DLGAP2: variants seen among roughly 807,000 people sequenced by gnomAD.
The protein encoded by DLGAP2 is DLG associated protein 2.
DLGAP2 carries 26 observed loss-of-function variants against 100.3 expected under a neutral mutation model. The observed-to-expected ratio is 0.26, with a 90% CI of 0.19 to 0.36. The LOEUF is 0.36. Among genes scored for constraint, DLGAP2 ranks in the 10% least tolerant of loss-of-function variants. DLGAP2 has a pLI of 1.00. For synonymous variants in DLGAP2, 886 were observed against 630.1 expected (o/e 1.41, Z -6.08); for missense variants, 1,858 against 1,453.2 (o/e 1.28, Z -4.53).
intron 2 of DLGAP2, among the ~76,000 whole-genome samples, chr8:1,144,966 C>T (rs145687503): frequency 0.031 from 4,730 of 151,866 alleles, 129 homozygotes; most frequent in East Asian, 0.15. Flanking sequence ...AGACCGCAGA[C>T]GGCCTGTATG....
In DLGAP2 at chr8:1,416,984, T is replaced by G. The variant is rs566654326; in HGVS notation, c.107-84382T>G. Among the ~76,000 whole-genome samples, 12 of 151,844 alleles carry G rather than the reference T, an allele frequency of 7.9e-5. No individual in the cohort carries two copies. The South Asian group carries it at 2.5e-3, about 32-fold the overall frequency. On this transcript the variant is annotated intron_variant, in intron 3 of 14. Transcript: ENST00000637795. ...CTCAGTGCGGCTGTGGCATTGAGAC[T>G]CAGAGTCCAGGGCTCAGGGGTCCCC...
chr8:1,640,724 A>G (rs1411437499), intron 8 of DLGAP2, among the ~76,000 whole-genome samples: 2 of 152,096 alleles, frequency 1.3e-5, no homozygotes, highest in East Asian at 3.9e-4. Flanking sequence ...CAGCACCAAG[A>G]CCGTCAAACG....
At chr8:1,102,636 G>A (rs1380742728) in intron 2 of DLGAP2, among the ~76,000 whole-genome samples, 4 of 152,172 alleles carry the variant, frequency 2.6e-5, no homozygotes, top group Admixed American at 2.0e-4. Flanking sequence ...TCTCCCCACT[G>A]GGCCTGTCAT....
At chr8:1,641,671 C>T (rs1797902772) in intron 8 of DLGAP2, among the ~76,000 whole-genome samples, 1 of 152,122 alleles carries the variant, frequency 6.6e-6, no homozygotes, top group South Asian at 2.1e-4. Context: ...CCAGTGAGGA[C>T]TTCCACATTG....
At chr8:1,414,344 C>T (rs1584874680) in intron 3 of DLGAP2, among the ~76,000 whole-genome samples, 2 of 152,270 alleles carry the variant, frequency 1.3e-5, no homozygotes, top group Non-Finnish European at 2.9e-5. Context: ...AAGGCTGTAG[C>T]CAGGGAGAGG....
In DLGAP2 at chr8:1,074,675, G is replaced by A. The variant is rs139523714; in HGVS notation, c.73+166709G>A. The stretch of plus-strand genomic sequence containing the variant: ...GTGAATTAGGTGGAAAATGGACCTC[G>A]GTATTAAACTTTGGGGAAAGGAAGA... On this transcript the variant is annotated intron_variant, in intron 2 of 14. Coordinates refer to ENST00000637795, the MANE Select transcript of DLGAP2 (RefSeq NM_001346810.2). Among the ~76,000 whole-genome samples, 452 of 152,288 alleles carry A rather than the reference G, an allele frequency of 3.0e-3. 1 individual carries two copies. The highest frequency in any genetic ancestry group is 0.017 in the Middle Eastern group (5 of 294).
chr8:1,194,187 G>C (rs11777892), intron 2 of DLGAP2, among the ~76,000 whole-genome samples: 124,383 of 151,942 alleles, frequency 0.82, 51,031 homozygotes, highest in Middle Eastern at 0.85. Context: ...AGAAACTGCC[G>C]CCTGTGGGAG....
At chr8:936,407 C>A (rs543107366) in intron 2 of DLGAP2, among the ~76,000 whole-genome samples, 1 of 152,328 alleles carries the variant, frequency 6.6e-6, no homozygotes, top group Admixed American at 6.5e-5. Context: ...ATTGCCTCCC[C>A]TGGGAGATGG....
At chr8:1,597,133 A>G (rs181910255) in intron 6 of DLGAP2, among the ~76,000 whole-genome samples, 6 of 152,208 alleles carry the variant, frequency 3.9e-5, no homozygotes, top group African/African-American at 1.4e-4. Context: ...TCCTTTCCCC[A>G]TTGTTTGTTT....
chr8:1,528,248 T>G (rs368015845), intron 4 of DLGAP2, among the ~76,000 whole-genome samples: 47 of 152,286 alleles, frequency 3.1e-4, no homozygotes, highest in African/African-American at 1.1e-3. Context: ...TGGCCAGGTC[T>G]AGGCCCAAGC....
intron 2 of DLGAP2, among the ~76,000 whole-genome samples, chr8:995,365 A>C (rs1237845205): frequency 6.6e-6 from 1 of 152,226 alleles, no homozygotes; most frequent in African/African-American, 2.4e-5. Context: ...TGTCAATGAA[A>C]TATTATAGTA....
At chr8:1,007,639 G>GC (rs1351753861) in intron 2 of DLGAP2, among the ~76,000 whole-genome samples, 1 of 148,594 alleles carries the variant, frequency 6.7e-6, no homozygotes, top group South Asian at 2.2e-4. Flanking sequence ...TTTTTTTGGG[G>GC]GGGGGATCTT....
intron 4 of DLGAP2, among the ~76,000 whole-genome samples, chr8:1,505,731 C>T (rs1287516878): frequency 1.3e-5 from 2 of 152,164 alleles, no homozygotes; most frequent in African/African-American, 2.4e-5. Context: ...CTAGGGAAGA[C>T]CTTCAGACAC....
intron 1 of DLGAP2, among the ~76,000 whole-genome samples, chr8:905,927 C>T (rs1258906966): frequency 2.0e-5 from 3 of 152,156 alleles, no homozygotes; most frequent in African/African-American, 7.2e-5. Context: ...GAAAGGGCAG[C>T]GATGGTGATA....
Position 1,549,070 on chromosome 8 carries a change from G to T in DLGAP2, c.617G>T (p.Gly206Val), listed in dbSNP as rs1801661854. Residue 206 changes from glycine to valine, a missense_variant, in exon 5 of 15, where the codon GGC becomes GTC. Coordinates refer to ENST00000637795, the MANE Select transcript of DLGAP2 (RefSeq NM_001346810.2). ...AAGCAGCTGCCGCTGCACCGGGACGGCTTCCACACGCTGCAGTACCAGAGG... is the reference window on the plus strand; with the variant it reads ...AAGCAGCTGCCGCTGCACCGGGACGTCTTCCACACGCTGCAGTACCAGAGG... ...FEKQLPLHRDGFHTLQYQRTS... is the reference protein window; with the variant it reads ...FEKQLPLHRDVFHTLQYQRTS... 6.3e-7 allele frequency: 1 copy of T among 1,587,456 alleles called. No homozygotes were observed. The highest frequency in any genetic ancestry group is 8.5e-7 in the Non-Finnish European group (1 of 1,170,882).
intron 3 of DLGAP2, among the ~76,000 whole-genome samples, chr8:1,291,450 C>T (rs950863158): frequency 2.0e-5 from 3 of 151,962 alleles, no homozygotes. Flanking sequence ...TTTTGCATGG[C>T]GAGGCAAGAA....
chr8:1,357,547 C>T (rs1481210035), intron 3 of DLGAP2, among the ~76,000 whole-genome samples: 1 of 152,136 alleles, frequency 6.6e-6, no homozygotes, highest in Non-Finnish European at 1.5e-5. Flanking sequence ...ATATTTCCCG[C>T]CTCACAGGTG....
intron 13 of DLGAP2, among the ~76,000 whole-genome samples, chr8:1,693,436 A>C (rs1799304444): frequency 6.6e-6 from 1 of 152,054 alleles, no homozygotes; most frequent in African/African-American, 2.4e-5. Flanking sequence ...TTTGAGAAAT[A>C]GTAAATAATA....
intron 2 of DLGAP2, among the ~76,000 whole-genome samples, chr8:1,200,415 T>G (rs2116756080): frequency 6.6e-6 from 1 of 152,286 alleles, no homozygotes; most frequent in African/African-American, 2.4e-5. Context: ...TCACTAGCAG[T>G]TGTTCTGAAA....
Sources: allele counts gnomAD v4.1 joint callset (sites outside exome capture counted in the v4.1 genomes callset), GRCh38; gene constraint gnomAD v4.1.1; transcripts MANE v1.5; gene names NCBI Gene and HGNC (gene_info 2026-07-23, HGNC 2026-07-21).